The following EFCAB5 variants were observed in gnomAD, a reference collection of about 807,000 sequenced individuals.
EFCAB5 encodes the protein EF-hand calcium binding domain 5.
Under a neutral mutation model 167.9 loss-of-function variants are expected in EFCAB5, and 131 were observed. That is an observed-to-expected ratio of 0.78 (90% CI 0.68 to 0.90). The LOEUF is 0.90. Among genes scored for constraint, EFCAB5 ranks in the 40% least tolerant of loss-of-function variants. The pLI, the probability that EFCAB5 is intolerant of heterozygous loss-of-function variation, is 0.00. For synonymous variants in EFCAB5, 574 were observed against 602.8 expected, an observed-to-expected ratio of 0.95 and a Z score of 0.70; for missense variants, 1,663 against 1,745.2, an observed-to-expected ratio of 0.95 and a Z score of 0.84.
At position 30,078,550 on chromosome 17, in the gene EFCAB5, T is replaced by A. The variant is rs184179576; in HGVS notation, c.3027+46T>A. 4.3e-4 allele frequency: 639 copies of A among 1,488,508 alleles called. 4 individuals are homozygous for A. Among genetic ancestry groups the A allele is most frequent in the Middle Eastern group, 3.5e-3 (19 of 5,414 alleles). The allele number at this position is 1,488,508 out of a possible 1,614,324, so 92.2% of individuals were successfully genotyped here. A position where few individuals can be genotyped will look rare whatever the true frequency, so the allele number is the denominator to read the frequency against. On this transcript the variant is annotated intron_variant, in intron 15 of 22. Transcript: ENST00000394835. ...TGTAAGAGGAAACATTTCCTCAAAG[T>A]AGGCGATGTTCAATGTTTGCAAAAG...
At chr17:30,001,173 C>T (rs941389795) in intron 7 of EFCAB5, among the ~76,000 whole-genome samples, 1 of 152,148 alleles carries the variant, frequency 6.6e-6, no homozygotes, top group East Asian at 1.9e-4. Flanking sequence ...GGCATGCTTT[C>T]TTCACTCGGA....
chr17:30,063,566 A>T (rs541987220), intron 14 of EFCAB5, among the ~76,000 whole-genome samples: 1 of 152,066 alleles, frequency 6.6e-6, no homozygotes, highest in African/African-American at 2.4e-5. Context: ...TCCTGTCTCT[A>T]TGGGCAACCT....
chr17:30,078,476 A>C lies in EFCAB5; in HGVS notation c.2999A>C (p.Tyr1000Ser), dbSNP rs1171484860. 1.2e-6 allele frequency: 2 copies of C among 1,609,684 alleles called. No homozygotes were observed. The highest frequency in any genetic ancestry group is 1.7e-6 in the Non-Finnish European group (2 of 1,177,206). ...ETSGVSLEPV[Y>S]SETFKALMQD... is the part of the protein sequence containing the mutation. ...AGTGGGGTGTCCCTAGAGCCGGTGTATAGTGAGACCTTTAAGGCCCTCATG... is the reference window on the plus strand; with the variant it reads ...AGTGGGGTGTCCCTAGAGCCGGTGTCTAGTGAGACCTTTAAGGCCCTCATG... The change falls in exon 15 of 23, where the codon TAT (tyrosine) becomes TCT (serine). Residue 1000 changes from tyrosine (Y) to serine (S), a missense_variant. Transcript: ENST00000394835.
chr17:29,972,666 G>T, intron 4 of EFCAB5: 1 of 174,350 alleles, frequency 5.7e-6, no homozygotes, highest in South Asian at 1.4e-4. Flanking sequence ...CGGCCTGTTA[G>T]GGATGTGATC....
chr17:30,013,454 C>T (rs1009681582), intron 7 of EFCAB5, among the ~76,000 whole-genome samples: 2 of 152,138 alleles, frequency 1.3e-5, no homozygotes, highest in African/African-American at 4.8e-5. Flanking sequence ...GGTTGGTAAG[C>T]TATTAATTGT....
intron 4 of EFCAB5, among the ~76,000 whole-genome samples, chr17:29,992,843 T>G (rs1481865176): frequency 6.6e-6 from 1 of 152,230 alleles, no homozygotes; most frequent in East Asian, 1.9e-4. Context: ...AATTCTGTTT[T>G]TAGTTTTTTG....
intron 4 of EFCAB5, among the ~76,000 whole-genome samples, chr17:29,972,339 G>A (rs984463297): frequency 6.6e-6 from 1 of 151,572 alleles, no homozygotes; most frequent in Non-Finnish European, 1.5e-5. Flanking sequence ...GTGAGTCACC[G>A]CGCCCGGCCC....
chr17:29,938,914 G>T (rs768509587), upstream of EFCAB5, among the ~76,000 whole-genome samples: 2 of 152,128 alleles, frequency 1.3e-5, no homozygotes, highest in Non-Finnish European at 2.9e-5. Context: ...CTGATATTTT[G>T]ACTTCCTTCC....
rs1373475887 is a variant in EFCAB5 at position 30,053,701 on chromosome 17, A to G, written c.1747A>G (p.Ile583Val). 3.1e-6 allele frequency: 5 copies of G among 1,613,886 alleles called. No individual in the cohort carries two copies. The highest frequency in any genetic ancestry group is 2.2e-5 in the East Asian group (1 of 44,896). ...TTEQGQHKGSIEGQGPRRVSV... is the reference protein window; with the variant it reads ...TTEQGQHKGSVEGQGPRRVSV... Reference sequence around the variant, plus strand: ...AGAACAAGGACAGCACAAAGGGTCAATAGAAGGACAAGGACCACGCAGAGT... The same window carrying G: ...AGAACAAGGACAGCACAAAGGGTCAGTAGAAGGACAAGGACCACGCAGAGT... The change falls in exon 10 of 23, where the codon ATA becomes GTA. Residue 583 changes from isoleucine to valine, a missense_variant. Transcript: ENST00000394835.
At chr17:30,006,916 C>T (rs2068785344) in intron 7 of EFCAB5, among the ~76,000 whole-genome samples, 1 of 152,172 alleles carries the variant, frequency 6.6e-6, no homozygotes, top group African/African-American at 2.4e-5. Flanking sequence ...CTCTGCCTCC[C>T]AAAGTGCTGG....
At chr17:30,069,682 G>T in intron 14 of EFCAB5, 2 of 1,397,268 alleles carry the variant, frequency 1.4e-6, no homozygotes, top group Non-Finnish European at 2.0e-6. Context: ...GCGCTCACAG[G>T]CTGTGTACTC....
At chr17:30,097,143 G>C (rs1290644443) in intron 22 of EFCAB5, among the ~76,000 whole-genome samples, 1 of 149,826 alleles carries the variant, frequency 6.7e-6, no homozygotes, top group Non-Finnish European at 1.5e-5. Flanking sequence ...CGCAACCTCT[G>C]CCTCCCAGGT....
intron 4 of EFCAB5, among the ~76,000 whole-genome samples, chr17:29,977,667 A>G (rs1260130462): frequency 1.3e-5 from 2 of 152,184 alleles, no homozygotes; most frequent in African/African-American, 4.8e-5. Flanking sequence ...TGCATTAATG[A>G]TGGAACATTT....
chr17:30,025,117 G>A (rs1193625315), intron 7 of EFCAB5, among the ~76,000 whole-genome samples: 2 of 152,074 alleles, frequency 1.3e-5, no homozygotes, highest in East Asian at 3.9e-4. Context: ...TCAGGACATA[G>A]GCATGGGCAA....
At chr17:29,952,860 C>T (rs1460060649) in intron 3 of EFCAB5, among the ~76,000 whole-genome samples, 1 of 152,012 alleles carries the variant, frequency 6.6e-6, no homozygotes, top group Non-Finnish European at 1.5e-5. Context: ...CATCATTATA[C>T]TTGCAGGTCT....
In EFCAB5 at chr17:29,963,037, G is replaced by T. The variant is rs192960606; in HGVS notation, c.191-5754G>T. Among the ~76,000 whole-genome samples the T allele has an allele frequency of 2.0e-5, 3 of 152,238 alleles. No homozygotes were observed. In the East Asian group the frequency reaches 5.8e-4, roughly 29 times the overall value. ...GCTCACTGAAGCCTCAAACTCCAGG[G>T]TTCAAGTGATCCTCCCACCTTAGCC... is the stretch of plus-strand genomic sequence containing the variant. On this transcript the variant is annotated intron_variant, in intron 3 of 22. Coordinates refer to ENST00000394835, the MANE Select transcript of EFCAB5 (RefSeq NM_198529.4).
chr17:29,948,366 A>G (rs1337449398), intron 3 of EFCAB5, among the ~76,000 whole-genome samples: 2 of 152,120 alleles, frequency 1.3e-5, no homozygotes, highest in African/African-American at 4.8e-5. Flanking sequence ...TATGGTAGAG[A>G]GAAATGTGTT....
Position 30,105,076 on chromosome 17 carries a change from C to T in EFCAB5, c.4322-2758C>T, listed in dbSNP as rs12450741. 5.7e-3 allele frequency among the ~76,000 whole-genome samples: 865 copies of T among 152,176 alleles called. 4 individuals are homozygous for T. Among genetic ancestry groups the T allele is most frequent in the East Asian group, 0.03 (155 of 5,182 alleles). On this transcript the variant is annotated intron_variant, in intron 22 of 22. Coordinates refer to ENST00000394835, the MANE Select transcript of EFCAB5 (RefSeq NM_198529.4). ...GGGGAGCAGCAGAGCTGTTTTGTCT[C>T]CGAAAATAAGGACTTTTAGGAGTGT...
chr17:30,018,968 T>C (rs931697587), intron 7 of EFCAB5, among the ~76,000 whole-genome samples: 1 of 152,206 alleles, frequency 6.6e-6, no homozygotes, highest in African/African-American at 2.4e-5. Flanking sequence ...CCCTAATTTC[T>C]ATTTATTCTG....
Sources: gnomAD v4.1 joint callset for allele counts (sites outside exome capture counted in the v4.1 genomes callset) on GRCh38, gnomAD v4.1.1 for gene constraint, MANE v1.5 for transcripts, NCBI Gene and HGNC (gene_info 2026-07-23, HGNC 2026-07-21) for gene names.